The following MYH2 variants were observed in gnomAD, a reference collection of about 807,000 sequenced individuals.
MYH2 encodes myosin-2.
MYH2 carries 139 observed loss-of-function variants against 228.1 expected under a neutral mutation model. The ratio of observed to expected loss-of-function variants is 0.61; its 90% CI spans 0.53 to 0.70. The LOEUF (loss-of-function observed/expected upper bound fraction) is 0.70. Ranked by LOEUF, MYH2 falls within the 30% of genes least tolerant of loss-of-function variation. The pLI is 0.00. For synonymous variants in MYH2, 796 were observed against 871.1 expected, an observed-to-expected ratio of 0.91 and a Z score of 1.52; for missense variants, 1,809 against 2,357.5, an observed-to-expected ratio of 0.77 and a Z score of 4.82.
chr17:10,533,397 C>T lies in MYH2; in HGVS notation c.2329G>A (p.Gly777Arg). 5.0e-6 allele frequency: 8 copies of T among 1,614,144 alleles called. No homozygotes were observed. The highest frequency in any genetic ancestry group is 6.8e-6 in the Non-Finnish European group (8 of 1,180,036). Reference sequence around the variant, plus strand: ...TCATCTCGCATCTCCTCTAGGAGCCCCAGAAGACCAGCTTTGAAAAAGACC... The same window carrying T: ...TCATCTCGCATCTCCTCTAGGAGCCTCAGAAGACCAGCTTTGAAAAAGACC... ...TKVFFKAGLL[G>R]LLEEMRDDKL... The change falls in exon 21 of 40, where the codon GGG becomes AGG. Residue 777 changes from glycine to arginine, a missense_variant. By Grantham distance (125) the Gly-to-Arg change is moderately radical (BLOSUM62 -2). Around this residue, in one of 9 missense-constraint regions of MYH2, gnomAD observed 276 missense variants for 344.2 expected, o/e 0.80. Transcript: ENST00000245503.
In MYH2 at chr17:10,525,632, CT is replaced by C. The variant is rs753788803; in HGVS notation, c.4372-17del. On this transcript the variant is annotated splice_polypyrimidine_tract_variant and intron_variant, in intron 31 of 39. Transcript: ENST00000245503. This position sits in a 1 kb window ranked among gnomAD's most constrained non-coding sequence, Gnocchi z 4.2. ...CTGCCAGGATCTGAAAAACCAAGAC[CT>C]GTTACCTGCTGCAAAGACAAAAGAG... The C allele has an allele frequency of 6.2e-7, 1 of 1,614,140 alleles. No homozygotes were observed. Among genetic ancestry groups the C allele is most frequent in the Non-Finnish European group, 8.5e-7 (1 of 1,180,008 alleles).
Position 10,547,765 on chromosome 17 carries a change from G to T in MYH2, c.156C>A (p.Ile52=), listed in dbSNP as rs770211650. 4.2e-5 allele frequency: 68 copies of T among 1,614,052 alleles called. No individual in the cohort carries two copies. Among genetic ancestry groups the T allele is most frequent in the Non-Finnish European group, 5.4e-5 (64 of 1,180,030 alleles). Residue 52 remains isoleucine, a synonymous_variant, in exon 3 of 40, where the codon ATC becomes ATA. Transcript: ENST00000245503. ...EPKESFVKGT[I]QSREGGKVTV... is the part of the protein sequence containing the mutation. ...TCACTTTTCCTCCTTCTCTGCTCTG[G>T]ATGGTCCCTTTGACAAAGGATTCTT...
At chr17:10,530,533 A>ATTTT (rs374060378) in intron 22 of MYH2, among the ~76,000 whole-genome samples, 8 of 148,840 alleles carry the variant, frequency 5.4e-5, no homozygotes, top group African/African-American at 1.7e-4. Flanking sequence ...GCTGCTACTG[A>ATTTT]TTTTTTTTTT....
chr17:10,524,408 T>C lies in MYH2; in HGVS notation c.5175+58A>G. On this transcript the variant is annotated intron_variant, in intron 35 of 39. Coordinates refer to ENST00000245503, the MANE Select transcript of MYH2 (RefSeq NM_017534.6). The surrounding 1 kb of genome is among the most constrained non-coding windows in gnomAD (Gnocchi z 4.7). ...CTAGCTGTCTTATGAAAACTCAGGC[T>C]TATCTATTCTGGGACATATAAAATT... 6.2e-7 allele frequency: 1 copy of C among 1,608,780 alleles called. No individual in the cohort carries two copies. Among genetic ancestry groups the C allele is most frequent in the Non-Finnish European group, 8.5e-7 (1 of 1,175,176 alleles).
Position 10,533,303 on chromosome 17 carries a change from T to C in MYH2, c.2423A>G (p.Gln808Arg). The part of the protein sequence containing the change: ...CRGFLARVEY[Q>R]RMVERREAIF... Reference sequence around the variant, plus strand: ...TTTATACCTTCTCTCCACCATCCTCTGGTACTCCACTCTTGCCAAGAACCC... The same window carrying C: ...TTTATACCTTCTCTCCACCATCCTCCGGTACTCCACTCTTGCCAAGAACCC... Residue 808 changes from glutamine to arginine, a missense_variant, in exon 21 of 40, where the codon CAG (glutamine) becomes CGG (arginine). Transcript: ENST00000245503. 2 of 1,614,206 alleles carry C rather than the reference T, an allele frequency of 1.2e-6. No individual in the cohort carries two copies. The highest frequency in any genetic ancestry group is 1.7e-6 in the Non-Finnish European group (2 of 1,180,020).
In MYH2 at chr17:10,521,324, C is replaced by T; in HGVS notation, c.5782G>A (p.Val1928Met). 6.2e-7 allele frequency: 1 copy of T among 1,614,160 alleles called. No homozygotes were observed. The highest frequency in any genetic ancestry group is 1.1e-5 in the South Asian group (1 of 91,086). ...TTTGTGTGAACCTCCCGGCTCTTCA[C>T]CCGCAGTTTGTTCACCTGGGACTCA... Reference protein sequence around the residue: ...IAESQVNKLRVKSREVHTKVI... With the variant: ...IAESQVNKLRMKSREVHTKVI... The change falls in exon 40 of 40, where the codon GTG becomes ATG. Residue 1928 changes from valine to methionine, a missense_variant. Physicochemically the swap from Val to Met is conservative, Grantham distance 21 (BLOSUM62 1). Around this residue, in one of 9 missense-constraint regions of MYH2, gnomAD observed 278 missense variants for 308.5 expected, o/e 0.90. Transcript: ENST00000245503.
chr17:10,540,095 T>C (rs2073532405), intron 11 of MYH2, 29 bp from the exon 12 acceptor site: 1 of 1,613,630 alleles, frequency 6.2e-7, no homozygotes, highest in Non-Finnish European at 8.5e-7. Flanking sequence ...GGATAGCTGT[T>C]AGGTTGTGAT....
intron 12 of MYH2, 93 bp from the exon 13 acceptor site, chr17:10,539,655 T>A: frequency 7.4e-7 from 1 of 1,346,118 alleles, no homozygotes; most frequent in South Asian, 1.2e-5. Flanking sequence ...TTTTGTGCAG[T>A]GTTTTAAATA....
intron 10 of MYH2, among the ~76,000 whole-genome samples, 153 bp downstream of exon 10, chr17:10,542,722 A>G (rs185217244): frequency 8.1e-4 from 124 of 152,332 alleles, no homozygotes; most frequent in Admixed American, 1.8e-3. Context: ...TTTTCTAATG[A>G]GCACATATAA....
chr17:10,523,049 T>C, intron 39 of MYH2, 41 bp downstream of exon 39: 3 of 1,392,228 alleles, frequency 2.2e-6, no homozygotes, highest in Non-Finnish European at 3.1e-6. Context: ...AGTAATTATT[T>C]ATTAGCTTAA....
At chr17:10,526,864 T>C (rs1217876229) in intron 29 of MYH2, 69 bp from the exon 30 acceptor site, 1 of 1,613,802 alleles carries the variant, frequency 6.2e-7, no homozygotes, top group Non-Finnish European at 8.5e-7. Flanking sequence ...TCAAAACCTT[T>C]TGAAAGCTGG....
At chr17:10,523,230 T>C in intron 38 of MYH2, 45 bp from the exon 39 acceptor site, 1 of 1,604,302 alleles carries the variant, frequency 6.2e-7, no homozygotes, top group East Asian at 2.2e-5. Flanking sequence ...CTAAAGCACA[T>C]GACTATTGCA....
chr17:10,542,993 A>G lies in MYH2; in HGVS notation c.806-20T>C, dbSNP rs1246426002. ...GCAGATCTGGAAGGAAACAAATAAC[A>G]CATAAGAAAATTGTAAAAATTCATG... On this transcript the variant is annotated intron_variant, in intron 9 of 39. Transcript: ENST00000245503. 4.4e-6 allele frequency: 7 copies of G among 1,599,358 alleles called. No homozygotes were observed. The highest frequency in any genetic ancestry group is 6.0e-6 in the Non-Finnish European group (7 of 1,166,876).
Position 10,524,987 on chromosome 17 carries a change from T to C in MYH2, c.4741A>G (p.Lys1581Glu). 6.2e-7 allele frequency: 1 copy of C among 1,614,098 alleles called. No homozygotes were observed. The highest frequency in any genetic ancestry group is 8.5e-7 in the Non-Finnish European group (1 of 1,180,010). ...ATTTCCTCATCTTTTTCAGCAATTT[T>C]CCTATCAACCTCAGACTTGACTTGG... ...LNQVKSEVDR[K>E]IAEKDEEIDQ... Residue 1581 changes from lysine to glutamate, a missense_variant, in exon 34 of 40, where the codon AAA (lysine) becomes GAA (glutamate). This residue lies in a region of MYH2 where 636 missense variants were observed against 729.9 expected (regional missense o/e 0.87). Coordinates refer to ENST00000245503, the MANE Select transcript of MYH2 (RefSeq NM_017534.6). This position sits in a 1 kb window ranked among gnomAD's most constrained non-coding sequence, Gnocchi z 4.7.
At chr17:10,545,563 T>C in intron 4 of MYH2, 61 bp from the exon 5 acceptor site, 1 of 1,597,878 alleles carries the variant, frequency 6.3e-7, no homozygotes, top group South Asian at 1.1e-5. Flanking sequence ...GAAATTAACT[T>C]ATTAATTGAA....
intron 39 of MYH2, among the ~76,000 whole-genome samples, chr17:10,521,851 A>G (rs1032749081): frequency 2.0e-5 from 3 of 152,140 alleles, no homozygotes; most frequent in Non-Finnish European, 4.4e-5. Context: ...TTTGTCATGT[A>G]TCATTTTGGC....
intron 38 of MYH2, 24 bp downstream of exon 38, chr17:10,523,284 G>A (rs780298631): frequency 1.2e-6 from 2 of 1,613,368 alleles, no homozygotes; most frequent in South Asian, 2.2e-5. Context: ...CCAGTGCTTA[G>A]CCGCTAAAAA....
chr17:10,532,427 T>C (rs1327884322), intron 21 of MYH2, among the ~76,000 whole-genome samples: 1 of 152,238 alleles, frequency 6.6e-6, no homozygotes, highest in East Asian at 1.9e-4. Context: ...TTTTGTATTC[T>C]ATTCTCTAAT....
At position 10,521,269 on chromosome 17, in the gene MYH2, T is replaced by G. The variant is rs756982386; in HGVS notation, c.*11A>C. The G allele has an allele frequency of 3.1e-6, 5 of 1,613,128 alleles. No homozygotes were observed. Among genetic ancestry groups the G allele is most frequent in the Non-Finnish European group, 4.2e-6 (5 of 1,179,986 alleles). On this transcript the variant is annotated 3_prime_UTR_variant, in exon 40 of 40. Transcript: ENST00000245503. Reference sequence around the variant, plus strand: ...GCCTGTCTTCAGTCATTCCATGGCATCAGGACATGATCACTCTTCACTTAT... The same window carrying G: ...GCCTGTCTTCAGTCATTCCATGGCAGCAGGACATGATCACTCTTCACTTAT...
Sources: allele counts gnomAD v4.1 joint callset (sites outside exome capture counted in the v4.1 genomes callset), GRCh38; gene constraint gnomAD v4.1.1; regional missense constraint gnomAD v4.1.1; non-coding constraint Gnocchi (gnomAD v3.1); transcripts MANE v1.5; gene names NCBI Gene and HGNC (gene_info 2026-07-23, HGNC 2026-07-21).